The following AKAP12 variants were observed in gnomAD, a reference collection of about 807,000 sequenced individuals.
The protein encoded by AKAP12 is A-kinase anchoring protein 12.
Under a neutral mutation model 79.9 loss-of-function variants are expected in AKAP12, and 32 were observed. The ratio of observed to expected loss-of-function variants is 0.40; its 90% CI spans 0.30 to 0.54. The LOEUF is 0.54. Ranked by LOEUF, AKAP12 falls within the 20% of genes least tolerant of loss-of-function variation. The pLI, the probability that AKAP12 is intolerant of heterozygous loss-of-function variation, is 0.48. For synonymous variants in AKAP12, 808 were observed against 857.0 expected, an observed-to-expected ratio of 0.94 and a Z score of 1.00; for missense variants, 2,074 against 2,177.0, an observed-to-expected ratio of 0.95 and a Z score of 0.94.
At chr6:151,316,881 G>T (rs12199672) in intron 3 of AKAP12, among the ~76,000 whole-genome samples, 34,330 of 151,966 alleles carry the variant, frequency 0.23, 4,221 homozygotes, top group East Asian at 0.36. Flanking sequence ...CAAGTGATCA[G>T]CCCGCCTTGG....
At chr6:151,322,067 G>A (rs1316237321) in intron 3 of AKAP12, among the ~76,000 whole-genome samples, 2 of 151,766 alleles carry the variant, frequency 1.3e-5, no homozygotes, top group Non-Finnish European at 2.9e-5. Context: ...CCGCCACCAC[G>A]CCCGGCTAAT....
At chr6:151,339,705 T>C (rs1208839385) in intron 3 of AKAP12, among the ~76,000 whole-genome samples, 2 of 152,154 alleles carry the variant, frequency 1.3e-5, no homozygotes, top group African/African-American at 4.8e-5. Flanking sequence ...GCAAAATGGC[T>C]TCACTGCCAT....
intron 4 of AKAP12, among the ~76,000 whole-genome samples, chr6:151,354,435 G>A (rs966935428): frequency 1.3e-5 from 2 of 151,726 alleles, no homozygotes; most frequent in African/African-American, 2.4e-5. Flanking sequence ...ATGCAGTGGC[G>A]CGATCTCGGC....
chr6:151,309,656 G>A lies in AKAP12; in HGVS notation c.319+3753G>A, dbSNP rs866004087. On this transcript the variant is annotated intron_variant, in intron 3 of 4. Coordinates refer to ENST00000402676, the MANE Select transcript of AKAP12 (RefSeq NM_005100.4). ...AATATTGTCTAAACTCTACAGCAGG[G>A]TCTGATATATGTAGATTTGGGGAGG... is the stretch of plus-strand genomic sequence containing the variant. Among the ~76,000 whole-genome samples, 2 of 152,280 alleles carry A rather than the reference G, an allele frequency of 1.3e-5. 1 individual carries two copies. The highest frequency in any genetic ancestry group is 6.8e-3 in the Middle Eastern group (2 of 294).
chr6:151,275,318 G>A (rs1776272032), intron 2 of AKAP12, among the ~76,000 whole-genome samples: 1 of 152,028 alleles, frequency 6.6e-6, no homozygotes. Flanking sequence ...GGGCTTGATG[G>A]TGTCCCTGGA....
At chr6:151,278,215 T>C (rs1358371049) in intron 2 of AKAP12, among the ~76,000 whole-genome samples, 2 of 151,666 alleles carry the variant, frequency 1.3e-5, no homozygotes, top group Non-Finnish European at 2.9e-5. Flanking sequence ...TTTTGTTTGT[T>C]TGTTTTGTTT....
Position 151,348,724 on chromosome 6 carries a change from C to T in AKAP12, c.333C>T (p.Asp111=), listed in dbSNP as rs202222967. ...EVIVTEVGQR[D]SEDVSKRDSD... ...TTTTGTTAATAGTTGGACAGAGAGA[C>T]TCTGAAGATGTGAGCAAAAGAGACT... Residue 111 remains aspartate, a synonymous_variant, in exon 4 of 5, where the codon GAC becomes GAT. Coordinates refer to ENST00000402676, the MANE Select transcript of AKAP12 (RefSeq NM_005100.4). 4.8e-6 allele frequency: 6 copies of T among 1,249,750 alleles called. No individual in the cohort carries two copies. In the Admixed American group the frequency reaches 1.4e-4, roughly 28 times the overall value. The allele number at this position is 1,249,750 out of a possible 1,614,324, so 77.4% of individuals were successfully genotyped here.
chr6:151,343,095 G>A (rs565504464), intron 3 of AKAP12, among the ~76,000 whole-genome samples: 2 of 152,246 alleles, frequency 1.3e-5, no homozygotes, highest in South Asian at 4.2e-4. Context: ...GCTGGCAGCT[G>A]GTTCACGAAC....
At position 151,245,109 on chromosome 6, in the gene AKAP12, G is replaced by A. The variant is rs78270742; in HGVS notation, c.162+4385G>A. On this transcript the variant is annotated intron_variant, in intron 2 of 4. Transcript: ENST00000402676. ...AATAAAATGTTTTGTTTTTAAAAATGCTAATAAATTATTTATTTTCCTTTG... is the reference window on the plus strand; with the variant it reads ...AATAAAATGTTTTGTTTTTAAAAATACTAATAAATTATTTATTTTCCTTTG... 4.6e-3 allele frequency among the ~76,000 whole-genome samples: 694 copies of A among 152,128 alleles called. 11 individuals are homozygous for A. Among genetic ancestry groups the A allele is most frequent in the East Asian group, 0.032 (164 of 5,180 alleles).
chr6:151,264,459 T>C (rs895684393), intron 2 of AKAP12, among the ~76,000 whole-genome samples: 2 of 148,226 alleles, frequency 1.3e-5, no homozygotes, highest in Non-Finnish European at 3.0e-5. Context: ...TCACCTGAGG[T>C]CAGGAGTTTG....
intron 3 of AKAP12, among the ~76,000 whole-genome samples, chr6:151,307,899 C>T (rs550036877): frequency 6.6e-6 from 1 of 152,300 alleles, no homozygotes; most frequent in Non-Finnish European, 1.5e-5. Context: ...CAGTCTCACT[C>T]TGTCGCCCAG....
intron 2 of AKAP12, among the ~76,000 whole-genome samples, chr6:151,297,567 C>T (rs1409713597): frequency 3.1e-5 from 3 of 97,906 alleles, no homozygotes; most frequent in Non-Finnish European, 5.7e-5. Flanking sequence ...AGCATGAGTT[C>T]GTCTCAAAAA....
At chr6:151,338,931 C>T (rs1253116656) in intron 3 of AKAP12, among the ~76,000 whole-genome samples, 1 of 152,240 alleles carries the variant, frequency 6.6e-6, no homozygotes, top group Non-Finnish European at 1.5e-5. Context: ...ATCCTCTCCT[C>T]TCCTCCATTT....
intron 3 of AKAP12, among the ~76,000 whole-genome samples, chr6:151,339,926 C>CT (rs756696884): frequency 0.012 from 1,752 of 146,530 alleles, 22 homozygotes; most frequent in Admixed American, 0.024. Flanking sequence ...ACTAATTTTT[C>CT]TTTTTTTTTT....
chr6:151,325,582 G>T, intron 3 of AKAP12: 3 of 1,335,452 alleles, frequency 2.2e-6, no homozygotes, highest in East Asian at 3.1e-5. Context: ...AGCTCAGCAA[G>T]GGAGGGGCCA....
At chr6:151,292,095 A>C (rs1007421624) in intron 2 of AKAP12, among the ~76,000 whole-genome samples, 2 of 152,226 alleles carry the variant, frequency 1.3e-5, no homozygotes, top group African/African-American at 4.8e-5. Context: ...TGTGGATTTG[A>C]AATTTGCTAC....
chr6:151,277,942 TTA>T (rs753820051), intron 2 of AKAP12, among the ~76,000 whole-genome samples: 2 of 55,244 alleles, frequency 3.6e-5, no homozygotes, highest in South Asian at 1.0e-3. Flanking sequence ...GCTAATAGGT[TTA>T]TGTGTGTGTG....
At chr6:151,311,128 A>G (rs901168450) in intron 3 of AKAP12, among the ~76,000 whole-genome samples, 1 of 152,194 alleles carries the variant, frequency 6.6e-6, no homozygotes, top group African/African-American at 2.4e-5. Context: ...CCACTGCGCC[A>G]GATAGTTCTT....
intron 1 of AKAP12, 117 bp downstream of exon 1, chr6:151,240,176 A>C: frequency 5.9e-6 from 1 of 170,604 alleles, no homozygotes; most frequent in Non-Finnish European, 1.2e-5. Context: ...TCGCCCTGTT[A>C]GAAACGGGAG....
Sources: gnomAD v4.1 joint callset for allele counts (sites outside exome capture counted in the v4.1 genomes callset) on GRCh38, gnomAD v4.1.1 for gene constraint, MANE v1.5 for transcripts, NCBI Gene and HGNC (gene_info 2026-07-23, HGNC 2026-07-21) for gene names.